The following APOH variants were observed in gnomAD, a reference collection of about 807,000 sequenced individuals.
APOH encodes the protein beta-2-glycoprotein 1.
APOH carries 48 observed loss-of-function variants against 39.8 expected under a neutral mutation model. The ratio of observed to expected loss-of-function variants is 1.21; its 90% CI spans 0.96 to 1.54. The LOEUF (loss-of-function observed/expected upper bound fraction) is 1.54, where lower values mean the gene tolerates loss of function less well. APOH is among the 40% of genes most tolerant of loss of function. The pLI is 0.00. For missense variants in APOH, 415 were observed against 421.2 expected (o/e 0.99, Z 0.13); for synonymous variants, 153 against 151.1 (o/e 1.01, Z -0.09).
chr17:66,214,604 T>C lies in APOH; in HGVS notation c.831A>G (p.Gly277=). 7.4e-6 allele frequency: 12 copies of C among 1,614,010 alleles called. No individual in the cohort carries two copies. The highest frequency in any genetic ancestry group is 1.0e-5 in the Non-Finnish European group (12 of 1,179,948). Residue 277 remains glycine, a synonymous_variant, in exon 7 of 8, where the codon GGA becomes GGG. Transcript: ENST00000205948. ...ATTTTTCCTGAATCTTTACTCTCTC[T>C]CCTTGGTACACCACAGTGGCTTTTT... ...PVKKATVVYQ[G]ERVKIQEKFK... is the part of the protein sequence containing the mutation.
At chr17:66,214,797 T>A in intron 6 of APOH, 147 bp from the exon 7 acceptor site, 1 of 663,778 alleles carries the variant, frequency 1.5e-6, no homozygotes. Flanking sequence ...TAAGTAATGG[T>A]AATATGATTG....
intron 5 of APOH, among the ~76,000 whole-genome samples, chr17:66,219,925 AAACT>A (rs987255074): frequency 1.3e-5 from 2 of 152,168 alleles, no homozygotes; most frequent in Non-Finnish European, 2.9e-5. Context: ...AGAAAAAAAC[AAACT>A]ATTTGTGCAC....
chr17:66,224,691 G>GGGAAAGGAAAGGAAAGGAAA (rs71160544), intron 3 of APOH, among the ~76,000 whole-genome samples: 2 of 32,898 alleles, frequency 6.1e-5, no homozygotes, highest in Non-Finnish European at 1.4e-4. Flanking sequence ...GGGAAGGGAA[G>GGGAAAGGAAAGGAAAGGAAA]GGAAAGGAAA....
rs1450152076 is a variant in APOH at position 66,229,325 on chromosome 17, C to T, written c.55G>A (p.Ala19Thr). The change falls in exon 1 of 8, where the codon GCA becomes ACA. Residue 19 changes from alanine (A) to threonine (T), a missense_variant. Around this residue, in one of 3 missense-constraint regions of APOH, gnomAD observed 288 missense variants for 284.9 expected, o/e 1.01. Transcript: ENST00000205948. ...AGCAAAAAGTACTTACTCCGTCCTG[C>T]AATAGCAACATGGCAGAGAAAACTC... ...FSSFLCHVAI[A>T]GRTCPKPDDL... The T allele has an allele frequency of 1.2e-6, 2 of 1,613,510 alleles. No homozygotes were observed. The highest frequency in any genetic ancestry group is 2.7e-5 in the African/African-American group (2 of 75,006).
chr17:66,226,184 T>G, intron 2 of APOH, 60 bp from the exon 3 acceptor site: 1 of 1,188,284 alleles, frequency 8.4e-7, no homozygotes, highest in Non-Finnish European at 1.2e-6. Context: ...CATAAACAGG[T>G]AAATTTCTAT....
chr17:66,223,774 C>T lies in APOH; in HGVS notation c.339G>A (p.Gly113=), dbSNP rs570767652. 28 of 1,614,012 alleles carry T rather than the reference C, an allele frequency of 1.7e-5. No homozygotes were observed. In the South Asian group the frequency reaches 1.9e-4, roughly 11 times the overall value. Residue 113 remains glycine (G), a splice_region_variant and synonymous_variant, in exon 4 of 8, where the codon GGG becomes GGA. Coordinates refer to ENST00000205948, the MANE Select transcript of APOH (RefSeq NM_000042.3). ...PNTISFSCNT[G]FYLNGADSAK... ...CAGAATCAGCGCCATTCAGATAAAA[C>T]CTGCAAAAGGAAAATTCATTCTATC...
intron 7 of APOH, among the ~76,000 whole-genome samples, chr17:66,212,774 C>A (rs553655817): frequency 2.9e-4 from 44 of 152,186 alleles, no homozygotes; most frequent in Non-Finnish European, 5.6e-4. Flanking sequence ...ACAGTATCGG[C>A]CCTTTACAGT....
At chr17:66,225,516 T>C (rs993847382) in intron 3 of APOH, among the ~76,000 whole-genome samples, 1 of 152,206 alleles carries the variant, frequency 6.6e-6, no homozygotes, top group African/African-American at 2.4e-5. Context: ...TATCCAAGAT[T>C]TGGCCCAGAG....
At chr17:66,221,293 G>A (rs571973699) in intron 4 of APOH, among the ~76,000 whole-genome samples, 1 of 121,244 alleles carries the variant, frequency 8.2e-6, no homozygotes, top group African/African-American at 3.2e-5. Flanking sequence ...AAGGAAGGAA[G>A]TCAGAAGGGA....
At chr17:66,221,120 G>C (rs529776949) in intron 4 of APOH, among the ~76,000 whole-genome samples, 1 of 151,900 alleles carries the variant, frequency 6.6e-6, no homozygotes, top group South Asian at 2.1e-4. Context: ...TTGAACCTGG[G>C]AGGCGGAGGT....
intron 7 of APOH, among the ~76,000 whole-genome samples, chr17:66,213,523 G>T (rs1458105551): frequency 6.6e-6 from 1 of 152,186 alleles, no homozygotes; most frequent in Non-Finnish European, 1.5e-5. Flanking sequence ...AGATGAGGTA[G>T]ATATTTTATT....
chr17:66,224,637 AGAAGG>A (rs1194664089), intron 3 of APOH, among the ~76,000 whole-genome samples: 823 of 51,828 alleles, frequency 0.016, 2 homozygotes, highest in Non-Finnish European at 0.02. Flanking sequence ...AGAAAGGAAG[AGAAGG>A]GAAGGGAAGG....
intron 4 of APOH, among the ~76,000 whole-genome samples, chr17:66,221,215 GAAATAAAT>G (rs756081043): frequency 2.3e-5 from 3 of 130,164 alleles, no homozygotes; most frequent in Admixed American, 8.5e-5. Context: ...AAGAAGGAAG[GAAATAAAT>G]AAATAAATAA....
chr17:66,226,205 T>G (rs951557180), intron 2 of APOH, 81 bp from the exon 3 acceptor site: 8 of 980,862 alleles, frequency 8.2e-6, no homozygotes, highest in Non-Finnish European at 1.2e-5. Context: ...TTATAGAATT[T>G]TTCATTAAAT....
chr17:66,220,891 C>T (rs934408118), intron 4 of APOH, 149 bp from the exon 5 acceptor site: 4 of 842,008 alleles, frequency 4.8e-6, no homozygotes, highest in Non-Finnish European at 7.1e-6. Context: ...ATTGTGGATG[C>T]CTAATAGGAA....
chr17:66,224,637 AGAAGGGAAGGGAAGGGAAGGGAAGG>A (rs1194664089), intron 3 of APOH, among the ~76,000 whole-genome samples: 3,715 of 51,766 alleles, frequency 0.072, 456 homozygotes, highest in Non-Finnish European at 0.092. Context: ...AGAAAGGAAG[AGAAGGGAAGGGAAGGGAAGGGAAGG>A]GAAGGGAAGG....
At chr17:66,228,296 T>C (rs2147000490) in intron 1 of APOH, 100 bp from the exon 2 acceptor site, 2 of 1,303,348 alleles carry the variant, frequency 1.5e-6, no homozygotes, top group South Asian at 1.4e-5. Context: ...TTACCAATTA[T>C]AAGCATACCA....
rs570320472 is a variant in APOH at position 66,227,591 on chromosome 17, T to C, written c.241+429A>G. 2.0e-5 allele frequency among the ~76,000 whole-genome samples: 3 copies of C among 152,368 alleles called. No homozygotes were observed. The South Asian group carries it at 6.2e-4, about 32-fold the overall frequency. ...ATTATAATATAATATATACATAATG[T>C]AGATGAAATTTGTATTCATTTCAGT... On this transcript the variant is annotated intron_variant, in intron 2 of 7. Coordinates refer to ENST00000205948, the MANE Select transcript of APOH (RefSeq NM_000042.3).
rs1456287792 is a variant in APOH, at chr17:66,220,715, G to A, written c.443C>T (p.Pro148Leu). The A allele has an allele frequency of 6.2e-7, 1 of 1,613,088 alleles. No homozygotes were observed. The highest frequency in any genetic ancestry group is 1.3e-5 in the African/African-American group (1 of 74,860). The change falls in exon 5 of 8, where the codon CCT (proline) becomes CTT (leucine). Residue 148 changes from proline (P) to leucine (L), a missense_variant. This residue lies in a region of APOH where 288 missense variants were observed against 284.9 expected (regional missense o/e 1.01). Coordinates refer to ENST00000205948, the MANE Select transcript of APOH (RefSeq NM_000042.3). ...APIICPPPSI[P>L]TFATLRVYKP... ...ATAAACACGAAGTGTTGCAAACGTAGGTATGGATGGTGGAGGGCAGATGAT... is the reference window on the plus strand; with the variant it reads ...ATAAACACGAAGTGTTGCAAACGTAAGTATGGATGGTGGAGGGCAGATGAT...
Sources: gnomAD v4.1 joint callset for allele counts (sites outside exome capture counted in the v4.1 genomes callset) on GRCh38, gnomAD v4.1.1 for gene constraint, gnomAD v4.1.1 regional missense constraint, MANE v1.5 for transcripts, NCBI Gene and HGNC (gene_info 2026-07-23, HGNC 2026-07-21) for gene names.